Variants in FBXL7 observed in about 807,000 individuals in gnomAD.
The protein encoded by FBXL7 is F-box/LRR-repeat protein 7.
FBXL7 carries 12 observed loss-of-function variants against 38.3 expected under a neutral mutation model. The ratio of observed to expected loss-of-function variants is 0.31; its 90% CI spans 0.20 to 0.51. The LOEUF (loss-of-function observed/expected upper bound fraction) is 0.51, where lower values mean the gene tolerates loss of function less well. FBXL7 is among the 20% of genes least tolerant of loss of function. The pLI, the probability that FBXL7 is intolerant of heterozygous loss-of-function variation, is 0.98. For synonymous variants in FBXL7, 297 were observed against 300.9 expected, an observed-to-expected ratio of 0.99 and a Z score of 0.13; for missense variants, 567 against 676.4, an observed-to-expected ratio of 0.84 and a Z score of 1.79.
Position 15,884,234 on chromosome 5 carries a change from A to G in FBXL7, c.128-43656A>G, listed in dbSNP as rs547948490. ...CTCTTCTTAGGAGGACACTAATACT[A>G]TGGGATCAGGGAATCTTCTTTCTTT... On this transcript the variant is annotated intron_variant, in intron 2 of 3. Transcript: ENST00000504595. 4.0e-5 allele frequency among the ~76,000 whole-genome samples: 6 copies of G among 151,200 alleles called. No homozygotes were observed. In the South Asian group the frequency reaches 8.4e-4, roughly 21 times the overall value.
chr5:15,701,611 T>C (rs999585868), intron 2 of FBXL7, among the ~76,000 whole-genome samples: 1 of 152,092 alleles, frequency 6.6e-6, no homozygotes, highest in African/African-American at 2.4e-5. Flanking sequence ...ATTGAGGAGA[T>C]AGACATATAA....
intron 2 of FBXL7, among the ~76,000 whole-genome samples, chr5:15,779,955 C>T (rs1736950734): frequency 6.6e-6 from 1 of 152,132 alleles, no homozygotes; most frequent in Non-Finnish European, 1.5e-5. Flanking sequence ...TCACCTTTAC[C>T]TCATTCCAGA....
intron 2 of FBXL7, among the ~76,000 whole-genome samples, chr5:15,723,437 G>C (rs1326266126): frequency 2.0e-5 from 3 of 152,096 alleles, no homozygotes; most frequent in Non-Finnish European, 2.9e-5. Flanking sequence ...ATTAAGTCTA[G>C]GTAATCCACA....
chr5:15,688,177 T>C (rs994662927), intron 2 of FBXL7, among the ~76,000 whole-genome samples: 1 of 152,238 alleles, frequency 6.6e-6, no homozygotes, highest in Non-Finnish European at 1.5e-5. Context: ...TATATGTCGG[T>C]TATTATCTTT....
intron 2 of FBXL7, among the ~76,000 whole-genome samples, chr5:15,807,165 C>G (rs2126748222): frequency 6.6e-6 from 1 of 152,290 alleles, no homozygotes; most frequent in South Asian, 2.1e-4. Context: ...TGGTCTTGAA[C>G]TCCAGACTTC....
In FBXL7 at chr5:15,678,543, C is replaced by A. The variant is rs142880852; in HGVS notation, c.127+62471C>A. On this transcript the variant is annotated intron_variant, in intron 2 of 3. Transcript: ENST00000504595. ...AGAGAAATCAAACTCTTTCTTTGAT[C>A]GCATGATCTTATCACAGTTTGGCTG... Among the ~76,000 whole-genome samples, 342 of 152,244 alleles carry A rather than the reference C, an allele frequency of 2.2e-3. 1 individual carries two copies. Among genetic ancestry groups the A allele is most frequent in the African/African-American group, 7.9e-3 (328 of 41,532 alleles).
At chr5:15,736,819 C>T (rs149421679) in intron 2 of FBXL7, among the ~76,000 whole-genome samples, 1 of 152,312 alleles carries the variant, frequency 6.6e-6, no homozygotes, top group Non-Finnish European at 1.5e-5. Context: ...GGGATATAGA[C>T]AGGAGTTCCT....
chr5:15,600,219 G>A (rs754746630), intron 1 of FBXL7, among the ~76,000 whole-genome samples: 6 of 152,216 alleles, frequency 3.9e-5, no homozygotes, highest in Non-Finnish European at 7.3e-5. Flanking sequence ...CCACTCTGTG[G>A]TCAGTGGTCT....
intron 2 of FBXL7, among the ~76,000 whole-genome samples, chr5:15,843,736 T>C (rs1738812261): frequency 6.6e-6 from 1 of 152,052 alleles, no homozygotes; most frequent in Admixed American, 6.5e-5. Flanking sequence ...TTTAAAATCT[T>C]AAAGCTAATT....
chr5:15,633,361 T>C (rs931456848), intron 2 of FBXL7, among the ~76,000 whole-genome samples: 1 of 152,204 alleles, frequency 6.6e-6, no homozygotes, highest in Non-Finnish European at 1.5e-5. Flanking sequence ...AACATAAGTT[T>C]AGATTTTTGA....
chr5:15,667,053 T>A (rs1742306151), intron 2 of FBXL7, among the ~76,000 whole-genome samples: 1 of 152,170 alleles, frequency 6.6e-6, no homozygotes, highest in South Asian at 2.1e-4. Flanking sequence ...CTTTAACTTT[T>A]TAAGAAATAA....
intron 1 of FBXL7, among the ~76,000 whole-genome samples, chr5:15,503,640 G>A (rs778011240): frequency 6.6e-6 from 1 of 152,154 alleles, no homozygotes; most frequent in Non-Finnish European, 1.5e-5. Context: ...CCATGTGGAT[G>A]TCCTGAAGTC....
intron 2 of FBXL7, among the ~76,000 whole-genome samples, chr5:15,916,614 A>G (rs986106119): frequency 3.3e-5 from 5 of 152,178 alleles, no homozygotes; most frequent in Non-Finnish European, 7.3e-5. Context: ...GCAGAGGAAA[A>G]ATTTCAAGGA....
chr5:15,788,126 C>T (rs1324025707), intron 2 of FBXL7, among the ~76,000 whole-genome samples: 1 of 152,140 alleles, frequency 6.6e-6, no homozygotes, highest in Non-Finnish European at 1.5e-5. Flanking sequence ...TCTGTGTCCT[C>T]TCCTCTTCTT....
chr5:15,923,240 A>G (rs968847353), intron 2 of FBXL7, among the ~76,000 whole-genome samples: 7 of 152,214 alleles, frequency 4.6e-5, no homozygotes, highest in African/African-American at 1.2e-4. Flanking sequence ...CAGTCTTCTG[A>G]AAGAAACGTA....
intron 2 of FBXL7, among the ~76,000 whole-genome samples, chr5:15,826,857 C>T (rs925357197): frequency 6.6e-6 from 1 of 151,736 alleles, no homozygotes; most frequent in Non-Finnish European, 1.5e-5. Flanking sequence ...TAAAACTGTG[C>T]TCCTTCTCGT....
chr5:15,656,974 A>G (rs1011283268), intron 2 of FBXL7, among the ~76,000 whole-genome samples: 1 of 152,272 alleles, frequency 6.6e-6, no homozygotes, highest in South Asian at 2.1e-4. Context: ...GAAAGATCTC[A>G]TTCATAATAA....
intron 2 of FBXL7, among the ~76,000 whole-genome samples, chr5:15,626,437 T>G (rs1740820700): frequency 6.6e-6 from 1 of 152,174 alleles, no homozygotes; most frequent in Non-Finnish European, 1.5e-5. Context: ...TAAATACCAT[T>G]TCAGACGCAA....
At chr5:15,869,396 T>C (rs553355384) in intron 2 of FBXL7, among the ~76,000 whole-genome samples, 1 of 152,162 alleles carries the variant, frequency 6.6e-6, no homozygotes, top group Admixed American at 6.5e-5. Context: ...ACTGCTTTAA[T>C]GTTGTTATCA....
Sources: gnomAD v4.1 joint callset for allele counts (sites outside exome capture counted in the v4.1 genomes callset) on GRCh38, gnomAD v4.1.1 for gene constraint, MANE v1.5 for transcripts, NCBI Gene and HGNC (gene_info 2026-07-23, HGNC 2026-07-21) for gene names.